The following TRIM42 variants were observed in gnomAD, a reference collection of about 807,000 sequenced individuals.
TRIM42 encodes the protein tripartite motif containing 42.
Under a neutral mutation model 64.9 loss-of-function variants are expected in TRIM42, and 59 were observed. The ratio of observed to expected loss-of-function variants is 0.91; its 90% confidence interval spans 0.74 to 1.13. The LOEUF is 1.13. Among genes scored for constraint, TRIM42 ranks in the 50% most tolerant of loss-of-function variants. TRIM42 has a pLI of 0.00. For synonymous variants in TRIM42, 354 were observed against 346.3 expected, an observed-to-expected ratio of 1.02 and a Z score of -0.25; for missense variants, 878 against 929.5, an observed-to-expected ratio of 0.94 and a Z score of 0.72.
intron 2 of TRIM42, among the ~76,000 whole-genome samples, chr3:140,685,170 G>T (rs1988519177): frequency 6.6e-6 from 1 of 152,150 alleles, no homozygotes; most frequent in Non-Finnish European, 1.5e-5. Context: ...TTTCTGGGAG[G>T]TACCATAAAT....
chr3:140,683,326 G>A (rs372734931), intron 2 of TRIM42, among the ~76,000 whole-genome samples, 167 bp downstream of exon 2: 2 of 152,070 alleles, frequency 1.3e-5, no homozygotes, highest in South Asian at 2.1e-4. Flanking sequence ...CCTGGTGTCC[G>A]CTCCTGGCAA....
At chr3:140,695,608 AGTGCTGCTGTCTTCCTATTCGGCCT>A (rs1988827096) in intron 4 of TRIM42, among the ~76,000 whole-genome samples, 1 of 152,138 alleles carries the variant, frequency 6.6e-6, no homozygotes, top group South Asian at 2.1e-4. Context: ...GAGTCTCTGC[AGTGCTGCTGTCTTCCTATTCGGCCT>A]GTGCTCCTGC....
chr3:140,683,880 A>G (rs1432610609), intron 2 of TRIM42, among the ~76,000 whole-genome samples: 1 of 152,364 alleles, frequency 6.6e-6, no homozygotes, highest in Non-Finnish European at 1.5e-5. Flanking sequence ...TAATATTTCA[A>G]TGATGGTTTC....
chr3:140,679,058 C>CT, intron 1 of TRIM42, among the ~76,000 whole-genome samples: 1 of 151,778 alleles, frequency 6.6e-6, no homozygotes, highest in South Asian at 2.1e-4. Flanking sequence ...GACAATACCC[C>CT]CCCCATGATA....
intron 2 of TRIM42, among the ~76,000 whole-genome samples, chr3:140,685,669 T>C (rs1486158996): frequency 6.6e-6 from 1 of 152,158 alleles, no homozygotes; most frequent in African/African-American, 2.4e-5. Context: ...GAAGAGTTTT[T>C]TTTTAACACT....
chr3:140,690,998 G>C lies in TRIM42; in HGVS notation c.1891G>C (p.Asp631His), dbSNP rs774066761. Residue 631 changes from aspartate to histidine, a missense_variant, in exon 4 of 5, where the codon GAC becomes CAC. Physicochemically the swap from Asp to His is moderately conservative, Grantham distance 81. Transcript: ENST00000286349. The stretch of plus-strand genomic sequence containing the variant: ...CTGGACATGTCCAGCAGAAGACGTG[G>C]ACTCTTTTGAGATGGAATTCTATGA... ...VYWTCPAEDV[D>H]SFEMEFYEVI... 5.6e-6 allele frequency: 9 copies of C among 1,613,968 alleles called. No individual in the cohort carries two copies. The highest frequency in any genetic ancestry group is 7.6e-6 in the Non-Finnish European group (9 of 1,179,948).
intron 4 of TRIM42, among the ~76,000 whole-genome samples, chr3:140,700,122 GGGAATGCTGCCAGA>G (rs1202671299): frequency 2.6e-5 from 4 of 152,108 alleles, no homozygotes; most frequent in Non-Finnish European, 5.9e-5. Flanking sequence ...GGGAAGGAAT[GGGAATGCTGCCAGA>G]CCACAGTAGT....
intron 1 of TRIM42, among the ~76,000 whole-genome samples, chr3:140,681,900 A>T (rs891992739): frequency 7.1e-6 from 1 of 140,128 alleles, no homozygotes; most frequent in Non-Finnish European, 1.6e-5. Flanking sequence ...TTTTTTGGTT[A>T]AAAAAAAAAA....
In TRIM42 at chr3:140,688,439, ACAG is replaced by A; in HGVS notation, c.1765_1767del (p.Ser589del). The A allele has an allele frequency of 6.2e-7, 1 of 1,614,178 alleles. No homozygotes were observed. The highest frequency in any genetic ancestry group is 8.5e-7 in the Non-Finnish European group (1 of 1,180,012). On this transcript the variant is annotated inframe_deletion, in exon 3 of 5. Coordinates refer to ENST00000286349, the MANE Select transcript of TRIM42 (RefSeq NM_152616.5). ...GGAGCAGACAGCCAGTCTGTACAGA[ACAG>A]CAGCAGCTTCCACAACTGGTACTCA... is the stretch of plus-strand genomic sequence containing the variant.
chr3:140,690,614 T>C (rs1988682496), intron 3 of TRIM42, among the ~76,000 whole-genome samples: 1 of 142,464 alleles, frequency 7.0e-6, no homozygotes, highest in African/African-American at 2.6e-5. Flanking sequence ...TGTTCTGAAA[T>C]TGCAAAGAAA....
At chr3:140,687,669 T>C (rs1988580272) in intron 2 of TRIM42, 53 bp from the exon 3 acceptor site, 2 of 1,396,242 alleles carry the variant, frequency 1.4e-6, no homozygotes, top group South Asian at 2.8e-5. Context: ...CTACTGACTT[T>C]GACACCTGGG....
chr3:140,695,080 A>G (rs1411316224), intron 4 of TRIM42, among the ~76,000 whole-genome samples: 1 of 151,900 alleles, frequency 6.6e-6, no homozygotes, highest in East Asian at 1.9e-4. Context: ...TCCTGTCTCT[A>G]CTAAAAATTA....
chr3:140,682,655 G>A lies in TRIM42; in HGVS notation c.535G>A (p.Val179Ile). The change falls in exon 2 of 5, where the codon GTC becomes ATC. Residue 179 changes from valine to isoleucine, a missense_variant. Val to Ile is a conservative substitution (Grantham distance 29). Transcript: ENST00000286349. ...CLRQLQKHAE[V>I]TENFFILICP... is the part of the protein sequence containing the mutation. The stretch of plus-strand genomic sequence containing the variant: ...GCGGCAGCTGCAGAAGCACGCCGAG[G>A]TCACCGAGAACTTCTTCATCCTCAT... 1.2e-6 allele frequency: 2 copies of A among 1,613,428 alleles called. No homozygotes were observed. Among genetic ancestry groups the A allele is most frequent in the Non-Finnish European group, 1.7e-6 (2 of 1,180,010 alleles).
At chr3:140,698,444 C>T (rs945031657) in intron 4 of TRIM42, among the ~76,000 whole-genome samples, 2 of 152,082 alleles carry the variant, frequency 1.3e-5, no homozygotes, top group Non-Finnish European at 2.9e-5. Flanking sequence ...AGCATGAGGG[C>T]TACAGTTAAT....
intron 1 of TRIM42, among the ~76,000 whole-genome samples, chr3:140,680,332 C>A (rs1360067287): frequency 6.6e-6 from 1 of 152,080 alleles, no homozygotes; most frequent in Non-Finnish European, 1.5e-5. Context: ...CAGCACCTTA[C>A]TTGTCCTGCC....
intron 3 of TRIM42, among the ~76,000 whole-genome samples, chr3:140,690,600 T>C (rs2107763267): frequency 7.0e-6 from 1 of 142,562 alleles, no homozygotes; most frequent in South Asian, 2.2e-4. Flanking sequence ...TGTATGTGTG[T>C]GTGTGTTCTG....
chr3:140,692,860 T>C (rs1021760717), intron 4 of TRIM42, among the ~76,000 whole-genome samples: 1 of 152,190 alleles, frequency 6.6e-6, no homozygotes, highest in African/African-American at 2.4e-5. Context: ...CTCAGTACTG[T>C]TGCTAAAATA....
At chr3:140,684,976 G>A (rs1988511314) in intron 2 of TRIM42, among the ~76,000 whole-genome samples, 1 of 152,140 alleles carries the variant, frequency 6.6e-6, no homozygotes, top group African/African-American at 2.4e-5. Flanking sequence ...CTCAATTCAA[G>A]GTGGGGGGAA....
At chr3:140,685,350 ACTC>A (rs1220272528) in intron 2 of TRIM42, among the ~76,000 whole-genome samples, 2 of 151,932 alleles carry the variant, frequency 1.3e-5, no homozygotes, top group Admixed American at 6.6e-5. Flanking sequence ...ATTTTAAAAA[ACTC>A]CTCATGTGAT....
Sources: allele counts gnomAD v4.1 joint callset (sites outside exome capture counted in the v4.1 genomes callset), GRCh38; gene constraint gnomAD v4.1.1; transcripts MANE v1.5; gene names NCBI Gene and HGNC (gene_info 2026-07-23, HGNC 2026-07-21).